STK31: variants seen among roughly 807,000 people sequenced by gnomAD.
The protein encoded by STK31 is serine/threonine-protein kinase 31.
STK31 carries 89 observed loss-of-function variants against 129.7 expected under a neutral mutation model. That is an observed-to-expected ratio of 0.69 (90% CI 0.58 to 0.82). The LOEUF (loss-of-function observed/expected upper bound fraction) is 0.82, where lower values mean the gene tolerates loss of function less well. Among genes scored for constraint, STK31 ranks in the 40% least tolerant of loss-of-function variants. The pLI, the probability that STK31 is intolerant of heterozygous loss-of-function variation, is 0.00. For missense variants in STK31, 1,187 were observed against 1,176.4 expected, an observed-to-expected ratio of 1.01 and a Z score of -0.13; for synonymous variants, 448 against 395.3, an observed-to-expected ratio of 1.13 and a Z score of -1.58.
intron 9 of STK31, among the ~76,000 whole-genome samples, chr7:23,753,870 A>G (rs1222419270): frequency 6.6e-6 from 1 of 152,202 alleles, no homozygotes; most frequent in African/African-American, 2.4e-5. Context: ...AAAATATGCC[A>G]TAGGAACTTA....
intron 10 of STK31, among the ~76,000 whole-genome samples, chr7:23,759,143 A>G (rs1789292403): frequency 6.6e-6 from 1 of 152,254 alleles, no homozygotes; most frequent in Non-Finnish European, 1.5e-5. Context: ...ACAAGTTCTT[A>G]GAGACCTACA....
chr7:23,780,499 A>T (rs1333398917), intron 15 of STK31, among the ~76,000 whole-genome samples: 1 of 152,176 alleles, frequency 6.6e-6, no homozygotes, highest in Non-Finnish European at 1.5e-5. Context: ...TTTTAAAAAG[A>T]TGTGAGTAGA....
chr7:23,806,772 C>G (rs1203010760), intron 22 of STK31, among the ~76,000 whole-genome samples: 1 of 152,006 alleles, frequency 6.6e-6, no homozygotes, highest in African/African-American at 2.4e-5. Flanking sequence ...TGTTGGCTGG[C>G]ACCTGTAGTC....
chr7:23,813,660 C>T (rs537557140), intron 22 of STK31, among the ~76,000 whole-genome samples: 43 of 152,194 alleles, frequency 2.8e-4, no homozygotes, highest in Admixed American at 4.6e-4. Context: ...CCAGTGGTCC[C>T]TGCTGATGGT....
At chr7:23,746,405 C>T (rs1163859204) in intron 8 of STK31, among the ~76,000 whole-genome samples, 1 of 152,166 alleles carries the variant, frequency 6.6e-6, no homozygotes, top group African/African-American at 2.4e-5. Flanking sequence ...TTTCTCCTTC[C>T]TTCCTTTATG....
intron 22 of STK31, chr7:23,811,265 T>C (rs147513278): frequency 2.7e-6 from 1 of 377,284 alleles, no homozygotes; most frequent in East Asian, 7.4e-5. Context: ...AAAGGACTGG[T>C]AGTTTTTGAA....
At chr7:23,757,010 G>T (rs1484259101) in intron 10 of STK31, among the ~76,000 whole-genome samples, 1 of 152,164 alleles carries the variant, frequency 6.6e-6, no homozygotes, top group Non-Finnish European at 1.5e-5. Flanking sequence ...TTCATAAAAT[G>T]AGTTAGGGAG....
At chr7:23,798,028 C>T (rs1318549632) in intron 22 of STK31, among the ~76,000 whole-genome samples, 4 of 152,124 alleles carry the variant, frequency 2.6e-5, no homozygotes, top group Admixed American at 2.6e-4. Context: ...TGGACACATA[C>T]ACCCTCCCAA....
chr7:23,783,734 T>C (rs986588854), intron 17 of STK31, 71 bp downstream of exon 17: 1 of 1,275,474 alleles, frequency 7.8e-7, no homozygotes, highest in African/African-American at 1.5e-5. Flanking sequence ...TAAATTTGTG[T>C]CAGTGTTAAA....
chr7:23,810,952 C>T lies in STK31; in HGVS notation c.2761-4192C>T, dbSNP rs1398349720. Among the ~76,000 whole-genome samples the T allele has an allele frequency of 1.5e-4, 22 of 145,730 alleles. No homozygotes were observed. The East Asian group carries it at 4.4e-3, about 29-fold the overall frequency. ...GTGTGTGTGTATATACACACACACA[C>T]ACACACACACCTACATGATGTCTTA... On this transcript the variant is annotated intron_variant, in intron 22 of 23. Coordinates refer to ENST00000355870, the MANE Select transcript of STK31 (RefSeq NM_031414.5).
intron 5 of STK31, among the ~76,000 whole-genome samples, chr7:23,727,931 G>A (rs1193240197): frequency 1.3e-5 from 2 of 152,014 alleles, no homozygotes; most frequent in Non-Finnish European, 2.9e-5. Flanking sequence ...AGCTTTATAA[G>A]TAGGAGAAGA....
At chr7:23,726,426 CT>C (rs1428916449) in intron 4 of STK31, 1 of 28,806 alleles carries the variant, frequency 3.5e-5, no homozygotes, top group Non-Finnish European at 6.2e-5. Flanking sequence ...GACCTTGCCT[CT>C]ACAAAAAAAA....
intron 21 of STK31, 77 bp from the exon 22 acceptor site, chr7:23,790,747 G>C (rs895692655): frequency 1.5e-6 from 2 of 1,291,102 alleles, no homozygotes; most frequent in Non-Finnish European, 2.0e-6. Flanking sequence ...TTTTTGTATT[G>C]ATTAAATGCA....
intron 6 of STK31, among the ~76,000 whole-genome samples, chr7:23,732,893 G>A (rs929597249): frequency 2.0e-5 from 3 of 152,134 alleles, no homozygotes; most frequent in Non-Finnish European, 4.4e-5. Context: ...GGGTTTTTAT[G>A]TGAAAGAGGT....
chr7:23,739,427 T>C (rs1479069443), intron 8 of STK31, among the ~76,000 whole-genome samples: 5 of 152,248 alleles, frequency 3.3e-5, no homozygotes, highest in African/African-American at 4.8e-5. Context: ...GTAGGTTGCC[T>C]GTACACTCTG....
chr7:23,828,460 G>A (rs1216996789), intron 23 of STK31, among the ~76,000 whole-genome samples: 1 of 152,234 alleles, frequency 6.6e-6, no homozygotes, highest in Non-Finnish European at 1.5e-5. Flanking sequence ...GTATTAGGGT[G>A]GGAGTGACCC....
intron 11 of STK31, among the ~76,000 whole-genome samples, chr7:23,768,750 T>C (rs1023330643): frequency 1.3e-5 from 2 of 152,170 alleles, no homozygotes; most frequent in African/African-American, 4.8e-5. Flanking sequence ...TTAAAAACCA[T>C]AAGGATATAA....
Position 23,754,431 on chromosome 7 carries a change from A to G in STK31, c.1250A>G (p.Glu417Gly). The G allele has an allele frequency of 6.2e-7, 1 of 1,613,960 alleles. No individual in the cohort carries two copies. Among genetic ancestry groups the G allele is most frequent in the Non-Finnish European group, 8.5e-7 (1 of 1,179,924 alleles). Residue 417 changes from glutamate to glycine, a missense_variant, in exon 10 of 24, where the codon GAA (glutamate) becomes GGA (glycine). Around this residue, in one of 5 missense-constraint regions of STK31, gnomAD observed 975 missense variants for 934.9 expected, o/e 1.04. Transcript: ENST00000355870. ...SLNGLEIIWA[E>G]YSLAQENIKT... ...AATGGATTAGAGATAATATGGGCAG[A>G]ATACAGTCTGGCTCAGGAGAATATT...
chr7:23,808,982 T>TGTGTGTGTGTGTGTGTGTG (rs1230870285), intron 22 of STK31, among the ~76,000 whole-genome samples: 7 of 149,242 alleles, frequency 4.7e-5, no homozygotes, highest in African/African-American at 1.5e-4. Context: ...CCTGTGTCTG[T>TGTGTGTGTGTGTGTGTGTG]TGGCATTTCT....
Sources: gnomAD v4.1 joint callset for allele counts (sites outside exome capture counted in the v4.1 genomes callset) on GRCh38, gnomAD v4.1.1 for gene constraint, gnomAD v4.1.1 regional missense constraint, MANE v1.5 for transcripts, NCBI Gene and HGNC (gene_info 2026-07-23, HGNC 2026-07-21) for gene names.